The following SEPHS1 variants were observed in gnomAD, a reference collection of about 807,000 sequenced individuals.
SEPHS1 encodes selenophosphate synthetase 1, also known as zincore component SEPHS1.
SEPHS1 carries 7 observed loss-of-function variants against 39.2 expected under a neutral mutation model. The observed-to-expected ratio is 0.18, with a 90% CI of 0.10 to 0.34. SEPHS1 has a LOEUF of 0.34. Among genes scored for constraint, SEPHS1 ranks in the 10% least tolerant of loss-of-function variants. The pLI is 1.00. For synonymous variants in SEPHS1, 190 were observed against 195.5 expected, an observed-to-expected ratio of 0.97 and a Z score of 0.23; for missense variants, 253 against 514.5, an observed-to-expected ratio of 0.49 and a Z score of 4.92.
chr10:13,340,380 C>T (rs1833749770), intron 2 of SEPHS1, among the ~76,000 whole-genome samples: 1 of 152,104 alleles, frequency 6.6e-6, no homozygotes, highest in African/African-American at 2.4e-5. Context: ...TTTCATCTGT[C>T]AGAGGAGAAC....
intron 5 of SEPHS1, among the ~76,000 whole-genome samples, 168 bp from the exon 6 acceptor site, chr10:13,329,956 T>C (rs991842897): frequency 1.3e-5 from 2 of 152,212 alleles, no homozygotes; most frequent in Non-Finnish European, 2.9e-5. Flanking sequence ...AACCTGCTAC[T>C]GAGGCTATTG....
At chr10:13,327,240 C>CCA (rs1833329948) in intron 7 of SEPHS1, among the ~76,000 whole-genome samples, 1 of 82,800 alleles carries the variant, frequency 1.2e-5, no homozygotes, top group Non-Finnish European at 2.2e-5. Flanking sequence ...GATTCTGTCT[C>CCA]AAAAAAAAAA....
At chr10:13,337,492 C>T (rs1230274751) in intron 3 of SEPHS1, among the ~76,000 whole-genome samples, 1 of 152,178 alleles carries the variant, frequency 6.6e-6, no homozygotes, top group Non-Finnish European at 1.5e-5. Flanking sequence ...CAAGTGTTAT[C>T]ACTTCCAGTG....
At chr10:13,328,219 CAGG>C (rs1833361503) in intron 7 of SEPHS1, 129 bp downstream of exon 7, 2 of 614,386 alleles carry the variant, frequency 3.3e-6, no homozygotes, top group Admixed American at 3.0e-5. Flanking sequence ...AACCTGGTAC[CAGG>C]AGAAGACGGT....
At chr10:13,342,052 G>A (rs1368715831) in intron 2 of SEPHS1, among the ~76,000 whole-genome samples, 8 of 151,702 alleles carry the variant, frequency 5.3e-5, no homozygotes, top group Non-Finnish European at 1.2e-4. Context: ...GGCCGAGGCA[G>A]GCGGATCACG....
intron 5 of SEPHS1, among the ~76,000 whole-genome samples, chr10:13,330,689 A>G (rs1232863769): frequency 6.6e-6 from 1 of 152,146 alleles, no homozygotes; most frequent in Non-Finnish European, 1.5e-5. Context: ...CCCCAGCTCA[A>G]CCTATACCAT....
chr10:13,321,202 G>A lies in SEPHS1; in HGVS notation c.964+1633C>T, dbSNP rs111389361. Among the ~76,000 whole-genome samples the A allele has an allele frequency of 5.2e-4, 79 of 152,104 alleles. 2 individuals are homozygous for A. The highest frequency in any genetic ancestry group is 1.8e-3 in the African/African-American group (73 of 41,502). On this transcript the variant is annotated intron_variant, in intron 8 of 8. Coordinates refer to ENST00000327347, the MANE Select transcript of SEPHS1 (RefSeq NM_012247.5). ...CAGATGCTGAGGCCCAGGCCCACCC[G>A]AGATGGATCCCACCGTTTTTGGGAG... is the stretch of plus-strand genomic sequence containing the variant.
chr10:13,330,440 T>TA (rs201729687), intron 5 of SEPHS1, among the ~76,000 whole-genome samples: 1 of 152,142 alleles, frequency 6.6e-6, no homozygotes, highest in East Asian at 1.9e-4. Context: ...GTCCCTGTCT[T>TA]AGAGACAGAA....
At chr10:13,336,404 A>T (rs770532029) in intron 3 of SEPHS1, 54 bp from the exon 4 acceptor site, 13 of 1,322,828 alleles carry the variant, frequency 9.8e-6, no homozygotes, top group Non-Finnish European at 1.4e-5. Context: ...CCATCTGCAG[A>T]AACTGAGTGA....
intron 2 of SEPHS1, 45 bp from the exon 3 acceptor site, chr10:13,338,853 G>T: frequency 7.0e-7 from 1 of 1,422,520 alleles, no homozygotes; most frequent in Non-Finnish European, 9.9e-7. Flanking sequence ...AAACGGGAAA[G>T]CCATTTCATT....
chr10:13,343,870 T>A (rs1588550413), intron 2 of SEPHS1, among the ~76,000 whole-genome samples: 2 of 151,938 alleles, frequency 1.3e-5, no homozygotes, highest in East Asian at 3.9e-4. Context: ...CATCCAAACC[T>A]CCGAAACTAT....
intron 4 of SEPHS1, among the ~76,000 whole-genome samples, chr10:13,335,700 C>G (rs893036856): frequency 7.1e-6 from 1 of 140,186 alleles, no homozygotes; most frequent in Non-Finnish European, 1.5e-5. Flanking sequence ...ATGCCTTGGG[C>G]CGGGCACGGT....
At chr10:13,336,212 A>G in intron 4 of SEPHS1, 31 bp downstream of exon 4, 1 of 1,494,784 alleles carries the variant, frequency 6.7e-7, no homozygotes, top group Non-Finnish European at 9.3e-7. Flanking sequence ...GACAACACGG[A>G]CCAGGCAGCA....
intron 2 of SEPHS1, among the ~76,000 whole-genome samples, chr10:13,343,170 G>A (rs72783325): frequency 0.035 from 5,354 of 152,252 alleles, 134 homozygotes; most frequent in East Asian, 0.082. Flanking sequence ...ACTTTATGCC[G>A]TAATGTTTTA....
intron 5 of SEPHS1, among the ~76,000 whole-genome samples, chr10:13,333,496 A>C (rs541179148): frequency 6.6e-6 from 1 of 151,368 alleles, no homozygotes; most frequent in South Asian, 2.1e-4. Flanking sequence ...GCTAGAGTGC[A>C]GGGGCATGAT....
intron 2 of SEPHS1, among the ~76,000 whole-genome samples, chr10:13,341,872 G>T (rs1833794804): frequency 6.6e-6 from 1 of 151,306 alleles, no homozygotes; most frequent in Non-Finnish European, 1.5e-5. Flanking sequence ...TGAGGCATGA[G>T]AATCAGGCCT....
At chr10:13,325,895 CAAAAAAAAAAAAAAAAAAAAAA>C (rs562038894) in intron 7 of SEPHS1, among the ~76,000 whole-genome samples, 37 of 26,442 alleles carry the variant, frequency 1.4e-3, no homozygotes, top group Non-Finnish European at 1.9e-3. Context: ...GACTCCGTCT[CAAAAAAAAAAAAAAAAAAAAAA>C]AAAAAAAAAA....
At position 13,333,913 on chromosome 10, in the gene SEPHS1, G is replaced by C. The variant is rs755275432; in HGVS notation, c.464C>G (p.Ala155Gly). 17 of 1,613,762 alleles carry C rather than the reference G, an allele frequency of 1.1e-5. No individual in the cohort carries two copies. Among genetic ancestry groups the C allele is most frequent in the Non-Finnish European group, 1.4e-5 (16 of 1,179,810 alleles). Residue 155 changes from alanine to glycine, a missense_variant, in exon 5 of 9, where the codon GCA becomes GGA. By Grantham distance (60) the Ala-to-Gly change is moderately conservative. Coordinates refer to ENST00000327347, the MANE Select transcript of SEPHS1 (RefSeq NM_012247.5). Reference protein sequence around the residue: ...IQGFKDAAEEAGTSVTGGQTV... With the variant: ...IQGFKDAAEEGGTSVTGGQTV... ...TTGGCCGCCTGTTACAGATGTTCCT[G>C]CTTCCTCAGCTGCGTCTTTAAAACC...
chr10:13,323,681 C>T (rs1364489282), intron 7 of SEPHS1, among the ~76,000 whole-genome samples: 3 of 151,990 alleles, frequency 2.0e-5, no homozygotes, highest in Non-Finnish European at 2.9e-5. Context: ...GAAGGCCTTG[C>T]TCAGTATCAA....
Sources: allele counts gnomAD v4.1 joint callset (sites outside exome capture counted in the v4.1 genomes callset), GRCh38; gene constraint gnomAD v4.1.1; transcripts MANE v1.5; gene names NCBI Gene and HGNC (gene_info 2026-07-23, HGNC 2026-07-21).